Variants in CNTNAP2 observed in about 807,000 individuals in gnomAD.
The protein encoded by CNTNAP2 is contactin associated protein 2, also known as contactin-associated protein-like 2.
CNTNAP2 carries 98 observed loss-of-function variants against 155.2 expected under a neutral mutation model. The ratio of observed to expected loss-of-function variants is 0.63; its 90% CI spans 0.54 to 0.75. The LOEUF (loss-of-function observed/expected upper bound fraction) is 0.75, where lower values mean the gene tolerates loss of function less well. Ranked by LOEUF, CNTNAP2 falls within the 30% of genes least tolerant of loss-of-function variation. CNTNAP2 has a pLI of 0.00. For synonymous variants in CNTNAP2, 651 were observed against 631.2 expected (o/e 1.03, Z -0.47); for missense variants, 1,727 against 1,688.1 (o/e 1.02, Z -0.40).
intron 20 of CNTNAP2, among the ~76,000 whole-genome samples, chr7:148,235,047 A>G (rs1202011105): frequency 6.6e-6 from 1 of 152,224 alleles, no homozygotes; most frequent in Non-Finnish European, 1.5e-5. Flanking sequence ...GTCCTCAGGA[A>G]CAAATGATGA....
At chr7:146,976,902 C>T (rs916556562) in intron 3 of CNTNAP2, among the ~76,000 whole-genome samples, 1 of 152,116 alleles carries the variant, frequency 6.6e-6, no homozygotes, top group African/African-American at 2.4e-5. Context: ...GGAATGGGGG[C>T]CTATGAACAA....
intron 1 of CNTNAP2, among the ~76,000 whole-genome samples, chr7:146,214,974 G>T (rs1449922071): frequency 1.3e-5 from 2 of 152,008 alleles, no homozygotes; most frequent in Non-Finnish European, 2.9e-5. Context: ...ACATACCCTG[G>T]AACATTTGGC....
intron 15 of CNTNAP2, among the ~76,000 whole-genome samples, chr7:147,984,475 G>T (rs1314302342): frequency 6.6e-6 from 1 of 152,072 alleles, no homozygotes; most frequent in Non-Finnish European, 1.5e-5. Flanking sequence ...GTTCAGACTG[G>T]AATCTACCTA....
chr7:147,558,697 T>TTCCTTCCTTCC (rs1163377820), intron 11 of CNTNAP2, among the ~76,000 whole-genome samples: 22 of 148,932 alleles, frequency 1.5e-4, no homozygotes, highest in South Asian at 4.3e-4. Context: ...TCGTTCGTTC[T>TTCCTTCCTTCC]TTCCTTCCTT....
chr7:146,742,679 AG>A (rs1366726284), intron 1 of CNTNAP2, among the ~76,000 whole-genome samples: 3 of 152,002 alleles, frequency 2.0e-5, no homozygotes, highest in Non-Finnish European at 4.4e-5. Context: ...AGGTAATGAG[AG>A]AAGAGTAAAA....
intron 1 of CNTNAP2, among the ~76,000 whole-genome samples, chr7:146,773,770 T>C (rs1802338971): frequency 6.6e-6 from 1 of 152,198 alleles, no homozygotes; most frequent in South Asian, 2.1e-4. Context: ...AGAGGTATAA[T>C]ATTTCACACC....
chr7:146,152,193 A>G (rs1302565295), intron 1 of CNTNAP2, among the ~76,000 whole-genome samples: 1 of 152,114 alleles, frequency 6.6e-6, no homozygotes, highest in African/African-American at 2.4e-5. Flanking sequence ...ATTAAAAATA[A>G]TGAAATCCTG....
intron 1 of CNTNAP2, among the ~76,000 whole-genome samples, chr7:146,129,285 G>A (rs1797681163): frequency 6.6e-6 from 1 of 151,996 alleles, no homozygotes; most frequent in Non-Finnish European, 1.5e-5. Context: ...AAATGACATT[G>A]TTTCTTTTAT....
At chr7:147,967,505 TGC>T (rs1801237539) in intron 14 of CNTNAP2, among the ~76,000 whole-genome samples, 1 of 152,166 alleles carries the variant, frequency 6.6e-6, no homozygotes, top group Non-Finnish European at 1.5e-5. Flanking sequence ...CTGTTCTAAT[TGC>T]ATGTGGGGAA....
intron 11 of CNTNAP2, among the ~76,000 whole-genome samples, chr7:147,506,254 T>C (rs1004966831): frequency 2.0e-5 from 3 of 152,064 alleles, no homozygotes; most frequent in Non-Finnish European, 2.9e-5. Context: ...TGTTTGTTTG[T>C]TCTGTTTGTT....
At chr7:146,791,554 A>G (rs1802674361) in intron 2 of CNTNAP2, among the ~76,000 whole-genome samples, 1 of 152,192 alleles carries the variant, frequency 6.6e-6, no homozygotes, top group Non-Finnish European at 1.5e-5. Context: ...TGGGAAAGAA[A>G]ACGCAGGGTG....
chr7:146,618,595 A>G (rs1799266232), intron 1 of CNTNAP2, among the ~76,000 whole-genome samples: 2 of 152,212 alleles, frequency 1.3e-5, no homozygotes, highest in East Asian at 1.9e-4. Flanking sequence ...AGGGTAACAA[A>G]GAAACTCTGC....
intron 1 of CNTNAP2, among the ~76,000 whole-genome samples, chr7:146,391,757 T>C (rs574726161): frequency 1.9e-4 from 28 of 143,776 alleles, no homozygotes; most frequent in Middle Eastern, 3.9e-3. Context: ...GTTTTTGTTG[T>C]TGTTGTTGTT....
chr7:147,580,740 T>TGAGTA (rs1800484599), intron 12 of CNTNAP2, among the ~76,000 whole-genome samples: 1 of 151,452 alleles, frequency 6.6e-6, no homozygotes, highest in Non-Finnish European at 1.5e-5. Flanking sequence ...TTCAGCCTCC[T>TGAGTA]GAGTAGCTAG....
At chr7:147,881,648 A>C (rs1267217610) in intron 13 of CNTNAP2, among the ~76,000 whole-genome samples, 1 of 152,214 alleles carries the variant, frequency 6.6e-6, no homozygotes, top group Non-Finnish European at 1.5e-5. Flanking sequence ...GAATAGTTAG[A>C]ATAGGAAAAC....
At chr7:147,192,679 A>G (rs1160028061) in intron 8 of CNTNAP2, among the ~76,000 whole-genome samples, 2 of 152,108 alleles carry the variant, frequency 1.3e-5, no homozygotes, top group East Asian at 1.9e-4. Flanking sequence ...TCTTCCCTGA[A>G]CTGTCAAATT....
chr7:147,472,859 C>G (rs1487025650), intron 10 of CNTNAP2, among the ~76,000 whole-genome samples: 1 of 152,126 alleles, frequency 6.6e-6, no homozygotes, highest in African/African-American at 2.4e-5. Context: ...TGATCATATT[C>G]ACCCAGCAAT....
intron 2 of CNTNAP2, among the ~76,000 whole-genome samples, chr7:146,821,746 G>A (rs1330802492): frequency 1.3e-5 from 2 of 152,022 alleles, no homozygotes; most frequent in African/African-American, 4.8e-5. Context: ...GGCCATCAGA[G>A]AAATGCAAAT....
At chr7:146,601,303 G>T (rs1798946059) in intron 1 of CNTNAP2, among the ~76,000 whole-genome samples, 1 of 152,062 alleles carries the variant, frequency 6.6e-6, no homozygotes, top group South Asian at 2.1e-4. Context: ...AGTATAGTAA[G>T]AAATTTGAGG....
Sources: gnomAD v4.1 joint callset for allele counts (sites outside exome capture counted in the v4.1 genomes callset) on GRCh38, gnomAD v4.1.1 for gene constraint, MANE v1.5 for transcripts, NCBI Gene and HGNC (gene_info 2026-07-23, HGNC 2026-07-21) for gene names.